The following NLGN1 variants were observed in gnomAD, a reference collection of about 807,000 sequenced individuals.
NLGN1 encodes the protein neuroligin 1.
NLGN1 carries 12 observed loss-of-function variants against 65.5 expected under a neutral mutation model. That is an observed-to-expected ratio of 0.18 (90% CI 0.12 to 0.30). The LOEUF (loss-of-function observed/expected upper bound fraction) is 0.30. NLGN1 is among the 10% of genes least tolerant of loss of function. NLGN1 has a pLI of 1.00. For synonymous variants in NLGN1, 350 were observed against 359.5 expected (o/e 0.97, Z 0.30); for missense variants, 750 against 1,007.1 (o/e 0.74, Z 3.46).
At chr3:174,234,718 G>A (rs577073702) in intron 4 of NLGN1, among the ~76,000 whole-genome samples, 1 of 152,248 alleles carries the variant, frequency 6.6e-6, no homozygotes, top group East Asian at 1.9e-4. Context: ...GGAGTTGGGG[G>A]AGCCCTCTCC....
intron 3 of NLGN1, among the ~76,000 whole-genome samples, chr3:173,793,338 G>A (rs1436957898): frequency 6.6e-6 from 1 of 151,972 alleles, no homozygotes; most frequent in Non-Finnish European, 1.5e-5. Context: ...TGAGAGCAAA[G>A]GAAGGAAGAG....
intron 4 of NLGN1, among the ~76,000 whole-genome samples, chr3:174,174,658 CT>C (rs2152739058): frequency 6.6e-6 from 1 of 151,996 alleles, no homozygotes; most frequent in South Asian, 2.1e-4. Flanking sequence ...CCTTAGCCCA[CT>C]TTTTGATGGG....
chr3:173,667,034 G>A (rs11721191), intron 3 of NLGN1, among the ~76,000 whole-genome samples: 7,041 of 152,104 alleles, frequency 0.046, 220 homozygotes, highest in Non-Finnish European at 0.076. Context: ...TAATCACATT[G>A]TACTTTACAT....
intron 2 of NLGN1, among the ~76,000 whole-genome samples, chr3:173,461,547 A>G (rs553865465): frequency 2.0e-5 from 3 of 152,220 alleles, no homozygotes; most frequent in African/African-American, 7.2e-5. Context: ...CATTCTGCAT[A>G]ATATGATATT....
intron 3 of NLGN1, among the ~76,000 whole-genome samples, chr3:173,696,384 G>C (rs1046671222): frequency 6.6e-6 from 1 of 152,008 alleles, no homozygotes; most frequent in Non-Finnish European, 1.5e-5. Context: ...TAGATCCCTA[G>C]TTTTATGTTT....
rs80001926 is a variant in NLGN1, at chr3:173,558,491, C to T, written c.-320-45788C>T. 1.9e-3 allele frequency among the ~76,000 whole-genome samples: 287 copies of T among 152,202 alleles called. 1 individual carries two copies. The highest frequency in any genetic ancestry group is 6.5e-3 in the African/African-American group (272 of 41,538). On this transcript the variant is annotated intron_variant, in intron 2 of 6. Coordinates refer to ENST00000457714, the Ensembl canonical transcript of NLGN1. ...AATATCATGTCACAGGCACTAAACT[C>T]TTTCATTTTTTAGCAATGTTTTTTC...
intron 4 of NLGN1, among the ~76,000 whole-genome samples, chr3:174,042,755 G>A (rs142942910): frequency 1.2e-3 from 180 of 152,140 alleles, no homozygotes; most frequent in African/African-American, 4.1e-3. Flanking sequence ...TTAAAGATAA[G>A]GAAACTAGGG....
intron 4 of NLGN1, among the ~76,000 whole-genome samples, chr3:173,823,606 T>G (rs996729188): frequency 1.2e-4 from 18 of 151,954 alleles, no homozygotes; most frequent in African/African-American, 2.7e-4. Flanking sequence ...TAAAAAAAAT[T>G]AAATCAACTA....
At chr3:173,644,271 C>T (rs1232407253) in intron 3 of NLGN1, 1 of 155,286 alleles carries the variant, frequency 6.4e-6, no homozygotes, top group Non-Finnish European at 1.5e-5. Flanking sequence ...CCTACTGGTA[C>T]CTGTATGACA....
At position 173,459,478 on chromosome 3, in the gene NLGN1, G is replaced by A. The variant is rs565510875; in HGVS notation, c.-321+24400G>A. Reference sequence around the variant, plus strand: ...GTGACATTTCTTTGCTTAATCAGAGGCTACACATGCTAATTTTCTAGTTCT... The same window carrying A: ...GTGACATTTCTTTGCTTAATCAGAGACTACACATGCTAATTTTCTAGTTCT... On this transcript the variant is annotated intron_variant, in intron 2 of 6. Coordinates refer to ENST00000457714, the Ensembl canonical transcript of NLGN1. Among the ~76,000 whole-genome samples, 34 of 152,132 alleles carry A rather than the reference G, an allele frequency of 2.2e-4. No individual in the cohort carries two copies. In the South Asian group the frequency reaches 2.3e-3, roughly 10 times the overall value.
intron 3 of NLGN1, among the ~76,000 whole-genome samples, chr3:173,695,077 A>G (rs988155497): frequency 6.6e-6 from 1 of 152,208 alleles, no homozygotes; most frequent in Non-Finnish European, 1.5e-5. Context: ...TGACAGTCAA[A>G]GGCTTCCAGC....
chr3:173,572,717 A>C (rs1359564867), intron 2 of NLGN1, among the ~76,000 whole-genome samples: 1 of 152,224 alleles, frequency 6.6e-6, no homozygotes, highest in Non-Finnish European at 1.5e-5. Context: ...CTGTGAATGC[A>C]GAATTTTGAA....
intron 4 of NLGN1, among the ~76,000 whole-genome samples, chr3:174,072,021 C>T (rs887542229): frequency 1.6e-4 from 24 of 151,760 alleles, no homozygotes; most frequent in African/African-American, 5.6e-4. Flanking sequence ...GTGGAAAGGA[C>T]CAGAATGAAT....
intron 4 of NLGN1, among the ~76,000 whole-genome samples, chr3:174,103,726 C>G (rs1713080874): frequency 6.6e-6 from 1 of 152,014 alleles, no homozygotes; most frequent in African/African-American, 2.4e-5. Flanking sequence ...AGAATCACAC[C>G]TAAATTCCTC....
intron 2 of NLGN1, among the ~76,000 whole-genome samples, chr3:173,574,577 A>G (rs1438651115): frequency 6.6e-6 from 1 of 152,152 alleles, no homozygotes; most frequent in African/African-American, 2.4e-5. Flanking sequence ...TAAGGCAGGC[A>G]CCTTACTAAA....
chr3:174,161,185 G>A (rs1726437275), intron 4 of NLGN1, among the ~76,000 whole-genome samples: 1 of 148,614 alleles, frequency 6.7e-6, no homozygotes, highest in Non-Finnish European at 1.5e-5. Context: ...CCAAATCTGT[G>A]ATGGAAAACT....
chr3:174,180,515 G>A (rs1730189208), intron 4 of NLGN1, among the ~76,000 whole-genome samples: 1 of 152,124 alleles, frequency 6.6e-6, no homozygotes, highest in African/African-American at 2.4e-5. Flanking sequence ...AGGGGCAAAG[G>A]TTGCTAGTCT....
chr3:174,172,113 A>T (rs1004686468), intron 4 of NLGN1, among the ~76,000 whole-genome samples: 5 of 151,690 alleles, frequency 3.3e-5, no homozygotes, highest in Non-Finnish European at 5.9e-5. Context: ...ATGTTTTTAA[A>T]TTTTTTTAAT....
At chr3:173,808,537 A>G (rs1304385160) in intron 4 of NLGN1, among the ~76,000 whole-genome samples, 4 of 152,168 alleles carry the variant, frequency 2.6e-5, no homozygotes, top group Non-Finnish European at 5.9e-5. Flanking sequence ...CCAGTTTTTA[A>G]AAGATAAACT....
Sources: allele counts gnomAD v4.1 joint callset (sites outside exome capture counted in the v4.1 genomes callset), GRCh38; gene constraint gnomAD v4.1.1; transcripts MANE v1.5; gene names NCBI Gene and HGNC (gene_info 2026-07-23, HGNC 2026-07-21).